MAEL: variants seen among roughly 807,000 people sequenced by gnomAD.
MAEL encodes the protein protein maelstrom homolog.
Under a neutral mutation model 62.0 loss-of-function variants are expected in MAEL, and 46 were observed. The observed-to-expected ratio is 0.74, with a 90% CI of 0.59 to 0.95. The LOEUF (loss-of-function observed/expected upper bound fraction) is 0.95. Among genes scored for constraint, MAEL ranks in the 40% least tolerant of loss-of-function variants. MAEL has a pLI of 0.00. For synonymous variants in MAEL, 172 were observed against 175.5 expected, an observed-to-expected ratio of 0.98 and a Z score of 0.16; for missense variants, 497 against 526.8, an observed-to-expected ratio of 0.94 and a Z score of 0.55.
chr1:166,975,997 C>A (rs571142609), intron 1 of MAEL, among the ~76,000 whole-genome samples: 1 of 152,166 alleles, frequency 6.6e-6, no homozygotes, highest in African/African-American at 2.4e-5. Context: ...GCGGTACCCC[C>A]GCCCCTCCGT....
chr1:166,994,085 TG>T lies in MAEL; in HGVS notation c.523+20del. On this transcript the variant is annotated intron_variant, in intron 5 of 11. Transcript: ENST00000367872. Reference sequence around the variant, plus strand: ...CAGGCTGCAAGTAAGTATAAAGGAATGGGGTAGGATTTGTGACTTGAATCTA... The same window carrying T: ...CAGGCTGCAAGTAAGTATAAAGGAATGGGTAGGATTTGTGACTTGAATCTA... 1.9e-6 allele frequency: 3 copies of T among 1,610,052 alleles called. No individual in the cohort carries two copies. The highest frequency in any genetic ancestry group is 2.5e-6 in the Non-Finnish European group (3 of 1,177,410).
chr1:166,998,401 T>C (rs1664517973), intron 5 of MAEL, among the ~76,000 whole-genome samples: 1 of 152,258 alleles, frequency 6.6e-6, no homozygotes, highest in Admixed American at 6.5e-5. Flanking sequence ...CTTGAAATTA[T>C]ATTTTCTAAT....
intron 5 of MAEL, among the ~76,000 whole-genome samples, chr1:166,996,767 C>T (rs922084505): frequency 2.0e-5 from 3 of 152,202 alleles, no homozygotes; most frequent in Admixed American, 6.5e-5. Flanking sequence ...CTTGTTTCAA[C>T]ATTTATGTAA....
Position 167,016,225 on chromosome 1 carries a change from C to T in MAEL, c.849C>T (p.Cys283=), listed in dbSNP as rs747261833. The stretch of plus-strand genomic sequence containing the variant: ...TAAAGTCCATTTTTTTGTACAGGTG[C>T]AAGTGGCATGAAGAAAATGATATTC... ...AMWDYSSNTR[C]KWHEENDILF... is the part of the protein sequence containing the mutation. The change falls in exon 9 of 12, where the codon TGC becomes TGT. Residue 283 remains cysteine (C), a synonymous_variant. Coordinates refer to ENST00000367872, the MANE Select transcript of MAEL (RefSeq NM_032858.3). 15 of 1,613,386 alleles carry T rather than the reference C, an allele frequency of 9.3e-6. No individual in the cohort carries two copies. Among genetic ancestry groups the T allele is most frequent in the Non-Finnish European group, 1.3e-5 (15 of 1,179,562 alleles).
At chr1:166,986,027 TAAAC>T (rs1219419529), upstream of MAEL, among the ~76,000 whole-genome samples, 5 of 152,006 alleles carry the variant, frequency 3.3e-5, no homozygotes, top group Non-Finnish European at 4.4e-5. Context: ...GAGATGAAAA[TAAAC>T]AATCTGATAT....
intron 8 of MAEL, among the ~76,000 whole-genome samples, chr1:167,010,745 G>A (rs968497395): frequency 1.3e-5 from 2 of 152,252 alleles, no homozygotes; most frequent in African/African-American, 4.8e-5. Flanking sequence ...ATTATGCCTG[G>A]CTATTTTGTT....
At chr1:166,978,973 C>T (rs1212678429) in intron 1 of MAEL, among the ~76,000 whole-genome samples, 1 of 149,112 alleles carries the variant, frequency 6.7e-6, no homozygotes, top group Non-Finnish European at 1.5e-5. Context: ...TTCAGCAAAG[C>T]TCTACACTAG....
intron 5 of MAEL, among the ~76,000 whole-genome samples, chr1:166,994,974 A>ATTTTTTT (rs944951589): frequency 3.6e-5 from 4 of 110,180 alleles, no homozygotes; most frequent in African/African-American, 1.0e-4. Flanking sequence ...CCACCCAGTA[A>ATTTTTTT]TTTTTTTTTT....
upstream of MAEL, chr1:166,989,210 A>T (rs1343850357): frequency 9.1e-7 from 1 of 1,100,284 alleles, no homozygotes; most frequent in Admixed American, 2.6e-5. Flanking sequence ...CCCGCGGGGC[A>T]ATGCGACTGC....
upstream of MAEL, among the ~76,000 whole-genome samples, chr1:166,988,348 T>TAAAAA (rs71073633): frequency 1.1e-5 from 1 of 93,102 alleles, no homozygotes; most frequent in African/African-American, 3.8e-5. Flanking sequence ...AGACCCTGTC[T>TAAAAA]AAAAAAAAAA....
chr1:167,007,331 C>T (rs1027128147), intron 8 of MAEL, among the ~76,000 whole-genome samples: 1 of 152,084 alleles, frequency 6.6e-6, no homozygotes, highest in Non-Finnish European at 1.5e-5. Context: ...TCATTGCTTT[C>T]TATCTAACAG....
At chr1:167,016,160 A>C (rs1308981362) in intron 8 of MAEL, 62 bp from the exon 9 acceptor site, 1 of 1,366,138 alleles carries the variant, frequency 7.3e-7, no homozygotes, top group Non-Finnish European at 1.0e-6. Context: ...GAAATCTGGC[A>C]TATAAAAACC....
chr1:167,012,802 G>A (rs1665225309), intron 8 of MAEL, among the ~76,000 whole-genome samples: 1 of 152,194 alleles, frequency 6.6e-6, no homozygotes, highest in Non-Finnish European at 1.5e-5. Flanking sequence ...TTGAGGTAAA[G>A]GCTTGGTGTT....
intron 5 of MAEL, among the ~76,000 whole-genome samples, chr1:166,998,642 G>A (rs569711915): frequency 1.3e-5 from 2 of 152,140 alleles, no homozygotes; most frequent in South Asian, 2.1e-4. Context: ...CCCCACCCCC[G>A]TTTTTGGTGT....
upstream of MAEL, among the ~76,000 whole-genome samples, chr1:166,985,439 G>A (rs1663883651): frequency 6.6e-6 from 1 of 152,112 alleles, no homozygotes; most frequent in African/African-American, 2.4e-5. Flanking sequence ...CAACCTGAAA[G>A]GATTACAAGT....
intron 5 of MAEL, among the ~76,000 whole-genome samples, chr1:166,999,531 G>C (rs1286670388): frequency 3.3e-5 from 5 of 152,228 alleles, no homozygotes; most frequent in African/African-American, 1.2e-4. Context: ...AAGGAAAGAA[G>C]CCATCTCTAT....
chr1:166,994,030 G>C lies in MAEL; in HGVS notation c.484G>C (p.Glu162Gln). 6.2e-7 allele frequency: 1 copy of C among 1,612,788 alleles called. No individual in the cohort carries two copies. The highest frequency in any genetic ancestry group is 2.2e-5 in the East Asian group (1 of 44,752). ...ADFHSFINPG[E>Q]IPRGFRFHCQ... is the part of the protein sequence containing the mutation. The stretch of plus-strand genomic sequence containing the variant: ...CAACAAGATATTTTGTATTATAGGT[G>C]AAATTCCACGAGGATTTCGATTTCA... Residue 162 changes from glutamate (E) to glutamine (Q), a missense_variant and splice_region_variant, in exon 5 of 12, where the codon GAA (glutamate) becomes CAA (glutamine). Glu to Gln is a conservative substitution (Grantham distance 29). Coordinates refer to ENST00000367872, the MANE Select transcript of MAEL (RefSeq NM_032858.3).
intron 1 of MAEL, among the ~76,000 whole-genome samples, chr1:166,983,552 GT>G (rs560034813): frequency 6.2e-4 from 95 of 152,210 alleles, no homozygotes; most frequent in African/African-American, 2.2e-3. Context: ...AAATGAACAT[GT>G]CCATAATAGA....
intron 5 of MAEL, among the ~76,000 whole-genome samples, chr1:166,996,309 C>G (rs1664423046): frequency 6.6e-6 from 1 of 152,196 alleles, no homozygotes; most frequent in African/African-American, 2.4e-5. Context: ...GCTGTCTGAT[C>G]TTTTATGAAC....
Sources: allele counts gnomAD v4.1 joint callset (sites outside exome capture counted in the v4.1 genomes callset), GRCh38; gene constraint gnomAD v4.1.1; transcripts MANE v1.5; gene names NCBI Gene and HGNC (gene_info 2026-07-23, HGNC 2026-07-21).